Variants in RERG observed in about 807,000 individuals in gnomAD.
RERG encodes the protein ras-related and estrogen-regulated growth inhibitor.
Under a neutral mutation model 23.2 loss-of-function variants are expected in RERG, and 25 were observed. The ratio of observed to expected loss-of-function variants is 1.08; its 90% CI spans 0.79 to 1.50. The LOEUF is 1.50. Ranked by LOEUF, RERG falls within the 40% of genes most tolerant of loss-of-function variation. The pLI is 0.00. For synonymous variants in RERG, 81 were observed against 89.1 expected, an observed-to-expected ratio of 0.91 and a Z score of 0.51; for missense variants, 253 against 250.1, an observed-to-expected ratio of 1.01 and a Z score of -0.08.
intron 2 of RERG, among the ~76,000 whole-genome samples, chr12:15,175,778 A>C (rs1864842283): frequency 6.6e-6 from 1 of 152,116 alleles, no homozygotes; most frequent in African/African-American, 2.4e-5. Context: ...AGAGGCTGTG[A>C]GATAGGTCAA....
intron 2 of RERG, among the ~76,000 whole-genome samples, chr12:15,154,509 A>G (rs1419421344): frequency 1.3e-5 from 2 of 152,234 alleles, no homozygotes; most frequent in Non-Finnish European, 2.9e-5. Flanking sequence ...GATTGATTGT[A>G]TTTCATTTTC....
At chr12:15,161,226 GAAACA>G (rs1864610475) in intron 2 of RERG, among the ~76,000 whole-genome samples, 2 of 123,470 alleles carry the variant, frequency 1.6e-5, no homozygotes, top group African/African-American at 5.4e-5. Flanking sequence ...AAGAAAGAAA[GAAACA>G]GGGGCATCAC....
chr12:15,186,739 C>T (rs1045463148), intron 2 of RERG, among the ~76,000 whole-genome samples: 1 of 152,122 alleles, frequency 6.6e-6, no homozygotes, highest in East Asian at 1.9e-4. Context: ...AATAAGCTGC[C>T]AAAGTACAGG....
chr12:15,148,847 G>GTTTTTTTTTTTTTT, intron 2 of RERG, among the ~76,000 whole-genome samples: 1 of 45,562 alleles, frequency 2.2e-5, no homozygotes, highest in African/African-American at 5.9e-5. Flanking sequence ...CTTTAACTCT[G>GTTTTTTTTTTTTTT]TTTTTTTTTT....
intron 2 of RERG, among the ~76,000 whole-genome samples, chr12:15,170,510 C>T (rs983442362): frequency 6.6e-6 from 1 of 152,138 alleles, no homozygotes; most frequent in African/African-American, 2.4e-5. Flanking sequence ...AGGATTACTG[C>T]TAGCAATTGC....
intron 2 of RERG, among the ~76,000 whole-genome samples, chr12:15,188,984 G>A (rs1865032076): frequency 6.6e-6 from 1 of 152,070 alleles, no homozygotes; most frequent in Non-Finnish European, 1.5e-5. Flanking sequence ...GTCCCATATT[G>A]TCTCTTCTCC....
At chr12:15,148,448 G>A (rs1015030240) in intron 2 of RERG, among the ~76,000 whole-genome samples, 1 of 152,224 alleles carries the variant, frequency 6.6e-6, no homozygotes, top group Admixed American at 6.5e-5. Flanking sequence ...GACCATGCCA[G>A]TGCTGGTCAG....
intron 2 of RERG, among the ~76,000 whole-genome samples, chr12:15,162,566 T>A (rs1198773456): frequency 6.6e-6 from 1 of 152,152 alleles, no homozygotes; most frequent in Non-Finnish European, 1.5e-5. Context: ...CATCCATTGG[T>A]CAAAACATAA....
chr12:15,195,597 GTGTGCA>G (rs375146599), intron 2 of RERG, among the ~76,000 whole-genome samples: 1 of 148,194 alleles, frequency 6.7e-6, no homozygotes, highest in Admixed American at 6.7e-5. Context: ...GTGTGTGTGT[GTGTGCA>G]TGTGTGTGTT....
chr12:15,141,974 TA>T (rs1156887526), intron 2 of RERG, among the ~76,000 whole-genome samples: 1 of 152,376 alleles, frequency 6.6e-6, no homozygotes, highest in East Asian at 1.9e-4. Flanking sequence ...ACTGTAGGTC[TA>T]GAAGTAGAAC....
At chr12:15,202,871 C>G (rs1194850007) in intron 2 of RERG, among the ~76,000 whole-genome samples, 1 of 151,716 alleles carries the variant, frequency 6.6e-6, no homozygotes, top group African/African-American at 2.4e-5. Flanking sequence ...TGAAGAACAT[C>G]CATACTGTTT....
rs1188470934 is a variant in RERG, at chr12:15,217,515, G to A, written c.-26C>T. 1.3e-6 allele frequency: 2 copies of A among 1,562,088 alleles called. No homozygotes were observed. The highest frequency in any genetic ancestry group is 1.8e-6 in the Non-Finnish European group (2 of 1,132,784). ...GATGGGTGTTGGTAGACAATTTACT[G>A]TTGTTAAAACTAAAGCACTGAGTAA... On this transcript the variant is annotated 5_prime_UTR_variant, in exon 2 of 5. Coordinates refer to ENST00000256953, the MANE Select transcript of RERG (RefSeq NM_032918.3).
At chr12:15,156,566 A>G (rs1312264550) in intron 2 of RERG, among the ~76,000 whole-genome samples, 2 of 152,226 alleles carry the variant, frequency 1.3e-5, no homozygotes, top group Admixed American at 1.3e-4. Context: ...TAACATTGTG[A>G]GTATCAAAAA....
At chr12:15,133,395 C>A (rs1293857837) in intron 2 of RERG, among the ~76,000 whole-genome samples, 1 of 151,820 alleles carries the variant, frequency 6.6e-6, no homozygotes, top group Non-Finnish European at 1.5e-5. Context: ...ATTTAAGTTT[C>A]CTGCACGTTT....
rs1226286919 is a variant in RERG at position 15,111,333 on chromosome 12, T to C, written c.192+11A>G. The C allele has an allele frequency of 3.1e-6, 5 of 1,588,448 alleles. No homozygotes were observed. Among genetic ancestry groups the C allele is most frequent in the Non-Finnish European group, 4.3e-6 (5 of 1,162,270 alleles). On this transcript the variant is annotated intron_variant, in intron 4 of 4. Transcript: ENST00000256953. ...ATCCAGAAAAATATTTTAGCTGAAC[T>C]CTTTATTCACCTGACCAGCAGTGTC... is the stretch of plus-strand genomic sequence containing the variant.
intron 2 of RERG, among the ~76,000 whole-genome samples, chr12:15,182,085 T>C (rs1387390217): frequency 6.8e-6 from 1 of 146,722 alleles, no homozygotes; most frequent in Non-Finnish European, 1.5e-5. Flanking sequence ...TGAGATGGAG[T>C]TTCGCTGTTG....
chr12:15,176,981 C>G (rs540080585), intron 2 of RERG, among the ~76,000 whole-genome samples: 58 of 152,244 alleles, frequency 3.8e-4, no homozygotes, highest in African/African-American at 1.4e-3. Flanking sequence ...GGCCATTAAA[C>G]CTTTCTGGCA....
chr12:15,134,653 T>G (rs1864113124), intron 2 of RERG, among the ~76,000 whole-genome samples: 1 of 152,126 alleles, frequency 6.6e-6, no homozygotes. Flanking sequence ...CTTGCTCTGT[T>G]GCCCAGGCTG....
At chr12:15,164,819 A>G (rs988818745) in intron 2 of RERG, among the ~76,000 whole-genome samples, 4 of 152,258 alleles carry the variant, frequency 2.6e-5, no homozygotes, top group Admixed American at 2.0e-4. Flanking sequence ...AGAATAAGAT[A>G]GAGTTAAAAC....
Sources: allele counts gnomAD v4.1 joint callset (sites outside exome capture counted in the v4.1 genomes callset), GRCh38; gene constraint gnomAD v4.1.1; transcripts MANE v1.5; gene names NCBI Gene and HGNC (gene_info 2026-07-23, HGNC 2026-07-21).